SOX5: variants seen among roughly 807,000 people sequenced by gnomAD.
The protein encoded by SOX5 is SRY-box transcription factor 5, also known as transcription factor SOX-5.
Under a neutral mutation model 92.0 loss-of-function variants are expected in SOX5, and 9 were observed. The ratio of observed to expected loss-of-function variants is 0.10; its 90% CI spans 0.06 to 0.17. The LOEUF (loss-of-function observed/expected upper bound fraction) is 0.17, where lower values mean the gene tolerates loss of function less well. SOX5 is among the 10% of genes least tolerant of loss of function. The pLI is 1.00. For synonymous variants in SOX5, 344 were observed against 336.3 expected (o/e 1.02, Z -0.25); for missense variants, 642 against 944.5 (o/e 0.68, Z 4.20).
chr12:23,872,101 C>T (rs2096879660), intron 2 of SOX5, among the ~76,000 whole-genome samples: 1 of 150,154 alleles, frequency 6.7e-6, no homozygotes, highest in South Asian at 2.1e-4. Context: ...GGGTTCACGC[C>T]ATTCTCCTGC....
chr12:23,727,888 C>T (rs920624851), intron 6 of SOX5, among the ~76,000 whole-genome samples: 3 of 152,034 alleles, frequency 2.0e-5, no homozygotes, highest in South Asian at 2.1e-4. Flanking sequence ...CCATGTAGCA[C>T]GTGTTGTATC....
chr12:24,010,887 C>T lies in SOX5; in HGVS notation c.-1-114863G>A, dbSNP rs143025500. Among the ~76,000 whole-genome samples, 1,100 of 151,438 alleles carry T rather than the reference C, an allele frequency of 7.3e-3. 23 individuals carry two copies. Among genetic ancestry groups the T allele is most frequent in the South Asian group, 0.072 (345 of 4,798 alleles). ...CTGGGAGGCAGACGCTGCAGTGAGC[C>T]GAGATCATGCCACTGCTCTCCAGCC... is the stretch of plus-strand genomic sequence containing the variant. On this transcript the variant is annotated intron_variant, in intron 4 of 4. Transcript: ENST00000446891.
intron 3 of SOX5, among the ~76,000 whole-genome samples, chr12:24,250,469 G>A (rs1345282138): frequency 6.6e-6 from 1 of 152,180 alleles, no homozygotes; most frequent in Non-Finnish European, 1.5e-5. Flanking sequence ...ATACCAGCAG[G>A]AGGAGAAAAT....
chr12:24,431,152 A>G (rs914830048), intron 1 of SOX5, among the ~76,000 whole-genome samples: 1 of 152,170 alleles, frequency 6.6e-6, no homozygotes, highest in Non-Finnish European at 1.5e-5. Flanking sequence ...CTATACTGCA[A>G]ATGATAAAAC....
chr12:24,291,169 T>C (rs1349027449), intron 2 of SOX5, among the ~76,000 whole-genome samples: 2 of 152,222 alleles, frequency 1.3e-5, no homozygotes, highest in South Asian at 2.1e-4. Flanking sequence ...GAATATAGTG[T>C]CATAAGAGAG....
chr12:23,702,973 T>C lies in SOX5; in HGVS notation c.810+31711A>G, dbSNP rs368050799. ...TGTCCATGGGTAACTGCACATTCAT[T>C]TGAATTCCTGAAAGACTGAATCTTG... On this transcript the variant is annotated intron_variant, in intron 6 of 14. Coordinates refer to ENST00000451604, the MANE Select transcript of SOX5 (RefSeq NM_006940.6). 6.0e-4 allele frequency among the ~76,000 whole-genome samples: 91 copies of C among 152,146 alleles called. 3 individuals carry two copies. The South Asian group carries it at 0.018, about 29-fold the overall frequency.
chr12:23,566,965 T>G (rs527396009), intron 10 of SOX5, among the ~76,000 whole-genome samples: 1 of 152,214 alleles, frequency 6.6e-6, no homozygotes, highest in Non-Finnish European at 1.5e-5. Flanking sequence ...AAGAATTAGA[T>G]GAAATAACAC....
At chr12:23,593,122 A>C (rs545218002) in intron 9 of SOX5, among the ~76,000 whole-genome samples, 1 of 152,086 alleles carries the variant, frequency 6.6e-6, no homozygotes, top group South Asian at 2.1e-4. Context: ...TCCTTAAAAA[A>C]AATAGTTTTT....
At chr12:24,369,348 A>G (rs771354992) in intron 1 of SOX5, among the ~76,000 whole-genome samples, 1 of 152,216 alleles carries the variant, frequency 6.6e-6, no homozygotes, top group Non-Finnish European at 1.5e-5. Flanking sequence ...CGAAGGGGCC[A>G]GAAACTAAAA....
At chr12:24,418,522 T>C (rs1965402564) in intron 1 of SOX5, among the ~76,000 whole-genome samples, 1 of 152,176 alleles carries the variant, frequency 6.6e-6, no homozygotes, top group Admixed American at 6.5e-5. Flanking sequence ...GATGGTCTCT[T>C]TCCCAAACTC....
chr12:23,977,249 C>T (rs953620696), intron 4 of SOX5, among the ~76,000 whole-genome samples: 2 of 152,174 alleles, frequency 1.3e-5, no homozygotes, highest in African/African-American at 4.8e-5. Flanking sequence ...AGTAAGGAAA[C>T]ATAATTTTGG....
intron 4 of SOX5, among the ~76,000 whole-genome samples, chr12:24,158,769 GC>G (rs897935512): frequency 1.4e-4 from 22 of 151,820 alleles, no homozygotes; most frequent in Non-Finnish European, 2.7e-4. Flanking sequence ...GTCATTTTGA[GC>G]CCCTTGCTCT....
chr12:24,241,860 T>A (rs1198568851), intron 3 of SOX5, among the ~76,000 whole-genome samples: 1 of 152,192 alleles, frequency 6.6e-6, no homozygotes, highest in Non-Finnish European at 1.5e-5. Flanking sequence ...GCCACTTAAA[T>A]TTGTGACTGT....
intron 4 of SOX5, among the ~76,000 whole-genome samples, chr12:24,069,495 G>T (rs1003106258): frequency 5.9e-5 from 9 of 152,156 alleles, no homozygotes; most frequent in African/African-American, 2.2e-4. Context: ...GAGAAGAACA[G>T]ACTTCAGCAT....
chr12:24,128,088 G>T (rs1165594702), intron 4 of SOX5, among the ~76,000 whole-genome samples: 1 of 152,150 alleles, frequency 6.6e-6, no homozygotes, highest in African/African-American at 2.4e-5. Context: ...TCACTGGAGG[G>T]TTTATTGTTA....
chr12:24,544,650 T>C (rs1052138720), intron 1 of SOX5, among the ~76,000 whole-genome samples: 1 of 152,192 alleles, frequency 6.6e-6, no homozygotes, highest in Non-Finnish European at 1.5e-5. Flanking sequence ...ATTCCCTCCA[T>C]GATTTAAAAA....
intron 1 of SOX5, among the ~76,000 whole-genome samples, chr12:23,946,704 T>A (rs1420341717): frequency 6.6e-6 from 1 of 151,972 alleles, no homozygotes; most frequent in African/African-American, 2.4e-5. Context: ...TGTTGCCAGC[T>A]ATGTTTCCTT....
intron 2 of SOX5, among the ~76,000 whole-genome samples, chr12:23,881,874 G>C (rs187326480): frequency 1.3e-5 from 2 of 151,990 alleles, no homozygotes; most frequent in Admixed American, 1.3e-4. Context: ...ATGAAAAAGG[G>C]GGGGAAACAT....
At chr12:24,021,581 T>C (rs562721551) in intron 4 of SOX5, among the ~76,000 whole-genome samples, 9 of 152,280 alleles carry the variant, frequency 5.9e-5, no homozygotes, top group African/African-American at 2.2e-4. Flanking sequence ...GCAAACTAGA[T>C]AGTTCTTTCA....
Sources: allele counts gnomAD v4.1 joint callset (sites outside exome capture counted in the v4.1 genomes callset), GRCh38; gene constraint gnomAD v4.1.1; transcripts MANE v1.5; gene names NCBI Gene and HGNC (gene_info 2026-07-23, HGNC 2026-07-21).